Variants in ZNF710 observed in about 807,000 individuals in gnomAD.
ZNF710 encodes zinc finger protein 710.
A neutral mutation model predicts 50.6 loss-of-function variants in ZNF710; 13 were observed. That is an observed-to-expected ratio of 0.26 (90% CI 0.17 to 0.41). ZNF710 has a LOEUF of 0.41. ZNF710 is among the 10% of genes least tolerant of loss of function. The probability of loss-of-function intolerance (pLI) is 1.00; values close to 1 mark genes in which losing one functional copy is unlikely to be tolerated. For missense variants in ZNF710, 721 were observed against 936.6 expected (o/e 0.77, Z 3.01); for synonymous variants, 383 against 397.0 (o/e 0.96, Z 0.42).
intron 4 of ZNF710, among the ~76,000 whole-genome samples, chr15:90,078,211 C>CAA (rs35832666): frequency 0.32 from 37,022 of 115,724 alleles, 5,793 homozygotes; most frequent in East Asian, 0.67. Context: ...AACTCGGTCT[C>CAA]AAAAAAAAAA....
At chr15:90,065,051 C>T (rs932873554) in intron 1 of ZNF710, among the ~76,000 whole-genome samples, 4 of 152,162 alleles carry the variant, frequency 2.6e-5, no homozygotes, top group East Asian at 3.9e-4. Context: ...TTAGCCCCTG[C>T]GGCCTATTCC....
intron 1 of ZNF710, among the ~76,000 whole-genome samples, chr15:90,058,719 A>ATG (rs775602947): frequency 0.013 from 1,742 of 136,480 alleles, 75 homozygotes; most frequent in African/African-American, 0.059. Context: ...ATATATATAT[A>ATG]CACACATATA....
intron 1 of ZNF710, among the ~76,000 whole-genome samples, chr15:90,010,434 A>G (rs969619917): frequency 6.6e-6 from 1 of 152,116 alleles, no homozygotes; most frequent in Non-Finnish European, 1.5e-5. Flanking sequence ...GACCACAGGC[A>G]TGCACCACCA....
At chr15:90,079,589 C>T (rs1900672513) in intron 4 of ZNF710, 71 bp from the exon 5 acceptor site, 11 of 1,568,968 alleles carry the variant, frequency 7.0e-6, no homozygotes, top group Middle Eastern at 1.8e-4. Context: ...AGGCCATCAG[C>T]TTCCTGCGTG....
chr15:90,079,082 G>A (rs1225435177), intron 4 of ZNF710, among the ~76,000 whole-genome samples: 2 of 152,212 alleles, frequency 1.3e-5, no homozygotes, highest in East Asian at 3.9e-4. Context: ...CCGGCAGGAG[G>A]CCTCACCCTC....
At chr15:90,006,458 T>C (rs1190660314) in intron 1 of ZNF710, among the ~76,000 whole-genome samples, 2 of 152,226 alleles carry the variant, frequency 1.3e-5, no homozygotes, top group Admixed American at 1.3e-4. Flanking sequence ...TGTGATGTGC[T>C]AGACACTGTG....
intron 1 of ZNF710, among the ~76,000 whole-genome samples, chr15:90,032,743 A>T (rs1898985303): frequency 6.9e-6 from 1 of 144,800 alleles, no homozygotes; most frequent in African/African-American, 2.6e-5. Flanking sequence ...GTGCTACTGC[A>T]CTCCAGCCTG....
At chr15:90,074,443 CA>C in intron 4 of ZNF710, 153 bp downstream of exon 4, 2 of 1,537,814 alleles carry the variant, frequency 1.3e-6, no homozygotes, top group South Asian at 2.4e-5. Context: ...CCTGGAAGGC[CA>C]TGATGACAAT....
intron 1 of ZNF710, among the ~76,000 whole-genome samples, chr15:90,031,817 C>A (rs954916825): frequency 2.6e-5 from 4 of 152,142 alleles, no homozygotes; most frequent in African/African-American, 9.7e-5. Context: ...CTTAAAATAC[C>A]CTCAGGTATT....
chr15:90,027,346 G>C (rs1898809415), intron 1 of ZNF710, among the ~76,000 whole-genome samples: 1 of 152,026 alleles, frequency 6.6e-6, no homozygotes, highest in South Asian at 2.1e-4. Context: ...AAGTAGCTGG[G>C]ATCACAGGCG....
At chr15:90,041,892 A>ATTTTTTTTTTTTT (rs71151548) in intron 1 of ZNF710, among the ~76,000 whole-genome samples, 3 of 110,600 alleles carry the variant, frequency 2.7e-5, no homozygotes, top group Admixed American at 9.4e-5. Context: ...TTTGTTTTTG[A>ATTTTTTTTTTTTT]TTTTTTTTTT....
intron 1 of ZNF710, among the ~76,000 whole-genome samples, chr15:90,002,176 C>T (rs1214474168): frequency 1.3e-5 from 2 of 151,416 alleles, no homozygotes; most frequent in Non-Finnish European, 3.0e-5. Flanking sequence ...TACGGCTGCC[C>T]ACAAACTTTA....
At chr15:90,010,952 A>G (rs1424752590) in intron 1 of ZNF710, among the ~76,000 whole-genome samples, 1 of 116,458 alleles carries the variant, frequency 8.6e-6, no homozygotes, top group East Asian at 2.4e-4. Flanking sequence ...TTTTTTTGAG[A>G]CGGAGTCTCA....
At chr15:90,071,102 A>C (rs920511217) in intron 2 of ZNF710, among the ~76,000 whole-genome samples, 17 of 152,068 alleles carry the variant, frequency 1.1e-4, no homozygotes, top group African/African-American at 4.1e-4. Context: ...CTCTACTAAA[A>C]ATACAAAAAT....
chr15:90,057,526 T>G (rs1022139329), intron 1 of ZNF710, among the ~76,000 whole-genome samples: 2 of 152,024 alleles, frequency 1.3e-5, no homozygotes, highest in Non-Finnish European at 2.9e-5. Context: ...TGAAACACCA[T>G]GTCTACTAAA....
At chr15:90,069,371 G>A (rs1320526869) in intron 2 of ZNF710, among the ~76,000 whole-genome samples, 3 of 151,798 alleles carry the variant, frequency 2.0e-5, no homozygotes, top group African/African-American at 7.3e-5. Context: ...TCACGATACT[G>A]CACTTCAGCC....
chr15:90,067,272 G>A lies in ZNF710; in HGVS notation c.135G>A (p.Pro45=), dbSNP rs757906484. 4.4e-5 allele frequency: 71 copies of A among 1,612,694 alleles called. No individual in the cohort carries two copies. Among genetic ancestry groups the A allele is most frequent in the East Asian group, 2.7e-4 (12 of 44,836 alleles). ...GATISAEAFY[P]DLGPELSGAA... ...CCATAAGCGCCGAGGCCTTCTACCC[G>A]GACCTGGGGCCCGAGCTTTCAGGGG... Residue 45 remains proline (P), a synonymous_variant, in exon 2 of 5, where the codon CCG becomes CCA. Coordinates refer to ENST00000268154, the MANE Select transcript of ZNF710 (RefSeq NM_198526.4). This position sits in a 1 kb window ranked among gnomAD's most constrained non-coding sequence, Gnocchi z 8.1.
At chr15:90,010,741 T>C (rs554222552) in intron 1 of ZNF710, among the ~76,000 whole-genome samples, 1 of 152,278 alleles carries the variant, frequency 6.6e-6, no homozygotes, top group South Asian at 2.1e-4. Flanking sequence ...GAAACTCATA[T>C]ACTCTTTTTA....
chr15:90,049,226 AT>A (rs1237343080), intron 1 of ZNF710, among the ~76,000 whole-genome samples: 2 of 152,156 alleles, frequency 1.3e-5, no homozygotes, highest in African/African-American at 4.8e-5. Flanking sequence ...GGCAGCTGTT[AT>A]CCCCATTTTG....
Sources: gnomAD v4.1 joint callset for allele counts (sites outside exome capture counted in the v4.1 genomes callset) on GRCh38, gnomAD v4.1.1 for gene constraint, Gnocchi (gnomAD v3.1) non-coding constraint, MANE v1.5 for transcripts, NCBI Gene and HGNC (gene_info 2026-07-23, HGNC 2026-07-21) for gene names.